Variants in SUGP1 observed in about 807,000 individuals in gnomAD.
SUGP1 encodes SURP and G-patch domain containing 1, also known as SURP and G-patch domain-containing protein 1.
In SUGP1, 34 loss-of-function variants were observed where a neutral mutation model predicts 76.5. That is an observed-to-expected ratio of 0.44 (90% CI 0.34 to 0.59). SUGP1 has a LOEUF of 0.59. SUGP1 is among the 20% of genes least tolerant of loss of function. The pLI is 0.01. For synonymous variants in SUGP1, 326 were observed against 326.2 expected, an observed-to-expected ratio of 1.00 and a Z score of 0.01; for missense variants, 752 against 851.7, an observed-to-expected ratio of 0.88 and a Z score of 1.46.
intron 8 of SUGP1, among the ~76,000 whole-genome samples, chr19:19,296,269 T>C (rs1255808057): frequency 6.6e-6 from 1 of 151,938 alleles, no homozygotes; most frequent in African/African-American, 2.4e-5. Context: ...AAAAGGAGAA[T>C]TACAGGCCAG....
Position 19,316,532 on chromosome 19 carries a change from GATGTTC to G in SUGP1, c.90_95del (p.Met30_Asn31del). On this transcript the variant is annotated inframe_deletion, in exon 2 of 14. Transcript: ENST00000247001. ...GAGCGATGAGCTCTTCCTGGTGAAG[GATGTTC>G]ATGTTCATTTTTCCAGATTTAGGGG... The G allele has an allele frequency of 6.2e-7, 1 of 1,613,910 alleles. No individual in the cohort carries two copies. The highest frequency in any genetic ancestry group is 1.1e-5 in the South Asian group (1 of 91,084).
chr19:19,312,194 T>C (rs1188873450), intron 2 of SUGP1, among the ~76,000 whole-genome samples: 2 of 151,966 alleles, frequency 1.3e-5, no homozygotes, highest in African/African-American at 4.8e-5. Flanking sequence ...GCCACTGCAC[T>C]CTAGCCTGGG....
At chr19:19,311,418 C>T (rs1235740444) in intron 2 of SUGP1, among the ~76,000 whole-genome samples, 3 of 151,592 alleles carry the variant, frequency 2.0e-5, no homozygotes, top group African/African-American at 4.8e-5. Context: ...ATTGCTTTGG[C>T]TGTTTTCTTA....
intron 4 of SUGP1, among the ~76,000 whole-genome samples, chr19:19,304,967 A>T (rs1474946604): frequency 6.6e-6 from 1 of 152,160 alleles, no homozygotes; most frequent in African/African-American, 2.4e-5. Flanking sequence ...CCATGCAGAC[A>T]GTGGGTCATA....
At chr19:19,310,252 G>A in intron 2 of SUGP1, 52 bp from the exon 3 acceptor site, 1 of 1,375,694 alleles carries the variant, frequency 7.3e-7, no homozygotes, top group Non-Finnish European at 1.0e-6. Flanking sequence ...GATGGAGTGA[G>A]GGCACCAGAG....
At chr19:19,286,299 C>T (rs568407635) in intron 8 of SUGP1, among the ~76,000 whole-genome samples, 48 of 152,126 alleles carry the variant, frequency 3.2e-4, no homozygotes, top group Middle Eastern at 3.4e-3. Flanking sequence ...ATTGGGGGGT[C>T]GTAAAAACCC....
intron 8 of SUGP1, among the ~76,000 whole-genome samples, chr19:19,283,234 CAA>C (rs1422171434): frequency 1.3e-5 from 2 of 152,072 alleles, no homozygotes; most frequent in Non-Finnish European, 2.9e-5. Context: ...GTTTTGCAGT[CAA>C]GAGAAATGTA....
chr19:19,314,906 T>C (rs1448455810), intron 2 of SUGP1, among the ~76,000 whole-genome samples: 2 of 152,178 alleles, frequency 1.3e-5, no homozygotes, highest in Non-Finnish European at 2.9e-5. Flanking sequence ...TGGCAGCGCA[T>C]GCCTGTAATC....
rs1249206779 is a variant in SUGP1 at position 19,279,170 on chromosome 19, G to A, written c.1528+43C>T. ...TAACCTTCCAGGGCAGGTGAGGGGGGCCATGCCCAGCCCAGCCCGGCCCAC... is the reference window on the plus strand; with the variant it reads ...TAACCTTCCAGGGCAGGTGAGGGGGACCATGCCCAGCCCAGCCCGGCCCAC... On this transcript the variant is annotated intron_variant, in intron 10 of 13. Transcript: ENST00000247001. 8 of 1,521,356 alleles carry A rather than the reference G, an allele frequency of 5.3e-6. No homozygotes were observed. In the East Asian group the frequency reaches 1.4e-4, roughly 27 times the overall value. The allele number at this position is 1,521,356 out of a possible 1,614,324, so 94.2% of individuals were successfully genotyped here.
At chr19:19,294,896 C>T (rs1158477710) in intron 8 of SUGP1, among the ~76,000 whole-genome samples, 1 of 151,914 alleles carries the variant, frequency 6.6e-6, no homozygotes, top group African/African-American at 2.4e-5. Flanking sequence ...GAAAAGACAA[C>T]CCATAGAATG....
intron 8 of SUGP1, among the ~76,000 whole-genome samples, chr19:19,284,961 G>A (rs548364449): frequency 4.7e-4 from 71 of 150,430 alleles, no homozygotes; most frequent in African/African-American, 1.7e-3. Context: ...GCTGCCTCCC[G>A]GGTTCATGCC....
chr19:19,296,027 A>T (rs935357008), intron 8 of SUGP1, among the ~76,000 whole-genome samples: 29 of 152,192 alleles, frequency 1.9e-4, no homozygotes, highest in African/African-American at 6.8e-4. Flanking sequence ...TAGGATGGTT[A>T]TAATAAAAAG....
chr19:19,294,681 A>C (rs2061211637), intron 8 of SUGP1, among the ~76,000 whole-genome samples: 1 of 152,002 alleles, frequency 6.6e-6, no homozygotes, highest in Non-Finnish European at 1.5e-5. Flanking sequence ...GATACATTTG[A>C]CTTCATTAAA....
chr19:19,312,886 A>G (rs1466305642), intron 2 of SUGP1, among the ~76,000 whole-genome samples: 1 of 151,892 alleles, frequency 6.6e-6, no homozygotes, highest in Non-Finnish European at 1.5e-5. Context: ...GCTACTCAGG[A>G]GGCTGAGGCA....
At chr19:19,281,110 G>C (rs191262473) in intron 8 of SUGP1, 1 of 152,366 alleles carries the variant, frequency 6.6e-6, no homozygotes, top group Non-Finnish European at 1.5e-5. Context: ...CCCTGTTGGG[G>C]AGACGCAGGA....
At chr19:19,284,478 A>G (rs2061123849) in intron 8 of SUGP1, among the ~76,000 whole-genome samples, 1 of 152,134 alleles carries the variant, frequency 6.6e-6, no homozygotes, top group South Asian at 2.1e-4. Flanking sequence ...AAAAAAGAAG[A>G]AGAGAAATTC....
At chr19:19,313,567 G>C (rs577169008) in intron 2 of SUGP1, among the ~76,000 whole-genome samples, 1 of 152,240 alleles carries the variant, frequency 6.6e-6, no homozygotes, top group East Asian at 1.9e-4. Context: ...AAATTAGCTA[G>C]GCATGGCAGT....
At position 19,303,943 on chromosome 19, in the gene SUGP1, G is replaced by A. The variant is rs759228998; in HGVS notation, c.539-96C>T. The A allele has an allele frequency of 3.1e-6, 5 of 1,601,526 alleles. No individual in the cohort carries two copies. In the Admixed American group the frequency reaches 5.0e-5, roughly 16 times the overall value. On this transcript the variant is annotated intron_variant, in intron 4 of 13. Transcript: ENST00000247001. The stretch of plus-strand genomic sequence containing the variant: ...GACCACAACGACAGAGGGGGTGGGG[G>A]GAGAAGAGTGTGAGATGCAGGAGGC...
intron 9 of SUGP1, among the ~76,000 whole-genome samples, chr19:19,279,943 C>T (rs2061084743): frequency 6.6e-6 from 1 of 152,228 alleles, no homozygotes; most frequent in South Asian, 2.1e-4. Flanking sequence ...CGGGGCCGCC[C>T]CAAGGGCCAG....
Sources: allele counts gnomAD v4.1 joint callset (sites outside exome capture counted in the v4.1 genomes callset), GRCh38; gene constraint gnomAD v4.1.1; transcripts MANE v1.5; gene names NCBI Gene and HGNC (gene_info 2026-07-23, HGNC 2026-07-21).